The following CSPG4 variants were observed in gnomAD, a reference collection of about 807,000 sequenced individuals.
CSPG4 encodes chondroitin sulfate proteoglycan 4 (melanoma-associated).
In CSPG4, 74 loss-of-function variants were observed where a neutral mutation model predicts 139.3. That is an observed-to-expected ratio of 0.53 (90% confidence interval 0.44 to 0.64). The LOEUF is 0.64. Ranked by LOEUF, CSPG4 falls within the 30% of genes least tolerant of loss-of-function variation. The pLI is 0.00. For missense variants in CSPG4, 2,565 were observed against 3,148.3 expected, an observed-to-expected ratio of 0.81 and a Z score of 4.43; for synonymous variants, 1,234 against 1,394.2, an observed-to-expected ratio of 0.89 and a Z score of 2.56.
At chr15:75,703,414 G>A (rs1894329802) in intron 1 of CSPG4, among the ~76,000 whole-genome samples, 1 of 151,882 alleles carries the variant, frequency 6.6e-6, no homozygotes, top group South Asian at 2.1e-4. Context: ...AGTCTTCATG[G>A]TGCTCCAGGC....
At chr15:75,704,223 G>C (rs1894341202) in intron 1 of CSPG4, among the ~76,000 whole-genome samples, 1 of 151,352 alleles carries the variant, frequency 6.6e-6, no homozygotes, top group Non-Finnish European at 1.5e-5. Context: ...ATTTAGAGCT[G>C]ACCTAGGAGA....
At position 75,687,909 on chromosome 15, in the gene CSPG4, A is replaced by C. The variant is rs772543534; in HGVS notation, c.3156T>G (p.Ala1052=). ...VAFSDADSGF[A]DAQLVLTRKD... ...TGCGGGTAAGCACCAGCTGGGCGTCAGCAAAGCCCGAGTCAGCATCGCTGA... is the reference window on the plus strand; with the variant it reads ...TGCGGGTAAGCACCAGCTGGGCGTCCGCAAAGCCCGAGTCAGCATCGCTGA... The change falls in exon 3 of 10, where the codon GCT becomes GCG. Residue 1052 remains alanine (A), a synonymous_variant. Coordinates refer to ENST00000308508, the MANE Select transcript of CSPG4 (RefSeq NM_001897.5). The surrounding 1 kb of genome is among the most constrained non-coding windows in gnomAD (Gnocchi z 5.4). 6.2e-7 allele frequency: 1 copy of C among 1,612,982 alleles called. No homozygotes were observed. The highest frequency in any genetic ancestry group is 1.1e-5 in the South Asian group (1 of 91,090).
intron 1 of CSPG4, among the ~76,000 whole-genome samples, chr15:75,693,714 C>T (rs1894193245): frequency 1.3e-5 from 2 of 152,256 alleles, no homozygotes; most frequent in Non-Finnish European, 2.9e-5. Flanking sequence ...ATTCCTTCTC[C>T]TAAGTGCCCT....
At chr15:75,694,732 C>T (rs1273337321) in intron 1 of CSPG4, among the ~76,000 whole-genome samples, 1 of 152,262 alleles carries the variant, frequency 6.6e-6, no homozygotes, top group South Asian at 2.1e-4. Context: ...AATACCAGCA[C>T]CTTGTCTGGG....
chr15:75,675,418 C>G lies in CSPG4; in HGVS notation c.*132G>C, dbSNP rs1893874639. 1 of 1,024,082 alleles carries G rather than the reference C, an allele frequency of 9.8e-7. No homozygotes were observed. Among genetic ancestry groups the G allele is most frequent in the East Asian group, 3.0e-5 (1 of 32,798 alleles). 63.4% of individuals were successfully genotyped at this position (1,024,082 alleles called of 1,614,324 possible). The stretch of plus-strand genomic sequence containing the variant: ...ACCCCTGGGACTATCTCCCAGGACC[C>G]TCCACCCCTGGTGTCTCCAGGTCTC... On this transcript the variant is annotated 3_prime_UTR_variant, in exon 10 of 10. Transcript: ENST00000308508.
rs1389992273 is a variant in CSPG4, at chr15:75,685,269, T to C, written c.4222A>G (p.Lys1408Glu). 1.3e-6 allele frequency: 2 copies of C among 1,554,566 alleles called. No individual in the cohort carries two copies. Among genetic ancestry groups the C allele is most frequent in the Non-Finnish European group, 1.7e-6 (2 of 1,148,942 alleles). Residue 1408 changes from lysine (K) to glutamate (E), a missense_variant, in exon 4 of 10, where the codon AAG becomes GAG. This residue lies in a region of CSPG4 where 2,316 missense variants were observed against 2,818.2 expected (regional missense o/e 0.82). Transcript: ENST00000308508. ...LEPPQHGALQKEDGPQARTLS... is the reference protein window; with the variant it reads ...LEPPQHGALQEEDGPQARTLS... The stretch of plus-strand genomic sequence containing the variant: ...GTCCTGGCTTGAGGTCCGTCCTCCT[T>C]CTGCAGGGCTCCATGCTGGGGTGGC...
chr15:75,693,142 G>C lies in CSPG4; in HGVS notation c.180C>G (p.Pro60=). The C allele has an allele frequency of 2.5e-6, 4 of 1,596,794 alleles. No individual in the cohort carries two copies. The highest frequency in any genetic ancestry group is 3.4e-6 in the Non-Finnish European group (4 of 1,172,064). Reference sequence around the variant, plus strand: ...CTGCTGCCAGGAGAAGGAGGGCTTCGGGCTGGGACGTGGAGAACTGCAGCT... The same window carrying C: ...CTGCTGCCAGGAGAAGGAGGGCTTCCGGCTGGGACGTGGAGAACTGCAGCT... The part of the protein sequence containing the change: ...DLQLQFSTSQ[P]EALLLLAAGP... The change falls in exon 2 of 10, where the codon CCC becomes CCG. Residue 60 remains proline, a synonymous_variant. Transcript: ENST00000308508.
intron 8 of CSPG4, chr15:75,678,584 G>A (rs1893925522): frequency 1.1e-5 from 5 of 452,858 alleles, no homozygotes; most frequent in Non-Finnish European, 1.8e-5. Context: ...GAACTTCTGG[G>A]CTCAAGCGGT....
At chr15:75,682,577 C>T (rs1267624130) in intron 7 of CSPG4, 30 bp downstream of exon 7, 5 of 1,607,254 alleles carry the variant, frequency 3.1e-6, no homozygotes, top group African/African-American at 1.3e-5. Flanking sequence ...GCTCCTGGCA[C>T]CCAGGAATGC....
At chr15:75,692,321 T>C (rs2141432099) in intron 2 of CSPG4, among the ~76,000 whole-genome samples, 1 of 152,360 alleles carries the variant, frequency 6.6e-6, no homozygotes, top group African/African-American at 2.4e-5. Context: ...GGACTCATTG[T>C]GTGGCTTAGG....
chr15:75,701,779 C>T (rs1372721692), intron 1 of CSPG4, among the ~76,000 whole-genome samples: 2 of 152,192 alleles, frequency 1.3e-5, no homozygotes, highest in Non-Finnish European at 2.9e-5. Context: ...AAGCCCAACC[C>T]CACCCAAAGC....
Position 75,688,612 on chromosome 15 carries a change from G to A in CSPG4, c.2453C>T (p.Pro818Leu), listed in dbSNP as rs981956584. 19 of 1,612,794 alleles carry A rather than the reference G, an allele frequency of 1.2e-5. No homozygotes were observed. The highest frequency in any genetic ancestry group is 2.7e-5 in the African/African-American group (2 of 74,932). Residue 818 changes from proline (P) to leucine (L), a missense_variant, in exon 3 of 10, where the codon CCC (proline) becomes CTC (leucine). Pro to Leu is a moderately conservative substitution (Grantham distance 98). Transcript: ENST00000308508. ...AACCACCTCATAATGGAAGGTTGGGGGGCTTGGGCCTGCCTCCTCCAGGGT... is the reference window on the plus strand; with the variant it reads ...AACCACCTCATAATGGAAGGTTGGGAGGCTTGGGCCTGCCTCCTCCAGGGT... Reference protein sequence around the residue: ...EATLEEAGPSPPTFHYEVVQA... With the variant: ...EATLEEAGPSLPTFHYEVVQA...
chr15:75,706,721 A>G (rs535764189), intron 1 of CSPG4, among the ~76,000 whole-genome samples: 250 of 152,252 alleles, frequency 1.6e-3, no homozygotes, highest in African/African-American at 5.8e-3. Context: ...AGAAGTGGAA[A>G]GGTGCCAGCG....
rs60534042 is a variant in CSPG4 at position 75,706,531 on chromosome 15, G to A, written c.88+6137C>T. Among the ~76,000 whole-genome samples the A allele has an allele frequency of 7.7e-3, 1,179 of 152,326 alleles. 47 individuals are homozygous for A. The highest frequency in any genetic ancestry group is 0.056 in the Admixed American group (855 of 15,308). On this transcript the variant is annotated intron_variant, in intron 1 of 9. Transcript: ENST00000308508. ...CGGGGACAGAGGCCAGGTGAGGGTA[G>A]GGGAAGAAAGGCCTGTAACCCCACA...
intron 3 of CSPG4, among the ~76,000 whole-genome samples, chr15:75,686,505 C>T (rs541756671): frequency 6.6e-6 from 1 of 151,398 alleles, no homozygotes; most frequent in Non-Finnish European, 1.5e-5. Flanking sequence ...CAAACCACCC[C>T]CCAAACTCAC....
intron 1 of CSPG4, among the ~76,000 whole-genome samples, chr15:75,710,255 C>T (rs1326785157): frequency 6.6e-6 from 1 of 152,196 alleles, no homozygotes; most frequent in Non-Finnish European, 1.5e-5. Flanking sequence ...CCACCCCTGC[C>T]TGCCCTGTGC....
At position 75,676,219 on chromosome 15, in the gene CSPG4, G is replaced by A. The variant is rs1893889051; in HGVS notation, c.6300C>T (p.Ala2100=). ...RHGRVVRVPR[A]RTEPGGSQLV... Reference sequence around the variant, plus strand: ...GCTGGCTGCCCCCGGGCTCCGTCCTGGCTCGGGGCACGCGGACCACGCGGC... The same window carrying A: ...GCTGGCTGCCCCCGGGCTCCGTCCTAGCTCGGGGCACGCGGACCACGCGGC... Residue 2100 remains alanine (A), a synonymous_variant, in exon 10 of 10, where the codon GCC becomes GCT. Coordinates refer to ENST00000308508, the MANE Select transcript of CSPG4 (RefSeq NM_001897.5). 1 of 1,552,400 alleles carries A rather than the reference G, an allele frequency of 6.4e-7. No individual in the cohort carries two copies. Among genetic ancestry groups the A allele is most frequent in the South Asian group, 1.2e-5 (1 of 86,162 alleles).
At chr15:75,693,524 G>C (rs1453631527) in intron 1 of CSPG4, among the ~76,000 whole-genome samples, 3 of 152,234 alleles carry the variant, frequency 2.0e-5, no homozygotes, top group Non-Finnish European at 4.4e-5. Context: ...TGGAGCCAGA[G>C]GCCTCCGCCA....
At position 75,712,840 on chromosome 15, in the gene CSPG4, C is replaced by T. The variant is rs896350445; in HGVS notation, c.-85G>A. On this transcript the variant is annotated 5_prime_UTR_variant, in exon 1 of 10. Transcript: ENST00000308508. ...TGAGTGGAGCGAGCGCGGCTCTGCT[C>T]CTGGGCGCGGGCCGGCTCCGGGTGT... is the stretch of plus-strand genomic sequence containing the variant. The T allele has an allele frequency of 1.6e-5, 20 of 1,238,420 alleles. No individual in the cohort carries two copies. Among genetic ancestry groups the T allele is most frequent in the Non-Finnish European group, 2.2e-5 (20 of 926,244 alleles). The allele number at this position is 1,238,420 out of a possible 1,614,324, so 76.7% of individuals were successfully genotyped here.
Sources: gnomAD v4.1 joint callset for allele counts (sites outside exome capture counted in the v4.1 genomes callset) on GRCh38, gnomAD v4.1.1 for gene constraint, gnomAD v4.1.1 regional missense constraint, Gnocchi (gnomAD v3.1) non-coding constraint, MANE v1.5 for transcripts, NCBI Gene and HGNC (gene_info 2026-07-23, HGNC 2026-07-21) for gene names.